SUZ12: variants seen among roughly 807,000 people sequenced by gnomAD.
SUZ12 encodes SUZ12 polycomb repressive complex 2 subunit, also known as polycomb protein SUZ12.
SUZ12 carries 17 observed loss-of-function variants against 87.3 expected under a neutral mutation model. That is an observed-to-expected ratio of 0.19 (90% CI 0.13 to 0.29). The LOEUF (loss-of-function observed/expected upper bound fraction) is 0.29, where lower values mean the gene tolerates loss of function less well. Ranked by LOEUF, SUZ12 falls within the 10% of genes least tolerant of loss-of-function variation. The probability of loss-of-function intolerance (pLI) is 1.00; values close to 1 mark genes in which losing one functional copy is unlikely to be tolerated. For missense variants in SUZ12, 526 were observed against 912.2 expected (o/e 0.58, Z 5.45); for synonymous variants, 253 against 312.4 (o/e 0.81, Z 2.01).
chr17:31,945,950 C>G (rs1255625398), intron 3 of SUZ12, among the ~76,000 whole-genome samples: 2 of 152,012 alleles, frequency 1.3e-5, no homozygotes, highest in Admixed American at 6.6e-5. Context: ...TAAAAGAGTC[C>G]TTTATTTTTG....
At chr17:31,955,245 G>A (rs1446866804) in intron 4 of SUZ12, among the ~76,000 whole-genome samples, 3 of 152,034 alleles carry the variant, frequency 2.0e-5, no homozygotes, top group Admixed American at 6.6e-5. Flanking sequence ...TGGGACTACA[G>A]GCACATGCTA....
intron 9 of SUZ12, among the ~76,000 whole-genome samples, chr17:31,985,405 A>G (rs1028900472): frequency 1.3e-5 from 2 of 151,602 alleles, no homozygotes; most frequent in Non-Finnish European, 2.9e-5. Flanking sequence ...CAAGATTTCC[A>G]TATTAAATTT....
intron 8 of SUZ12, among the ~76,000 whole-genome samples, chr17:31,980,675 C>T (rs1485891372): frequency 2.0e-5 from 3 of 151,596 alleles, no homozygotes; most frequent in East Asian, 1.9e-4. Flanking sequence ...CTTGAACTCC[C>T]GACCTCAGGT....
Position 31,997,684 on chromosome 17 carries a change from AAAAG to A in SUZ12, c.1874+808_1874+811del, listed in dbSNP as rs1333297207. Among the ~76,000 whole-genome samples the A allele has an allele frequency of 4.6e-5, 7 of 151,456 alleles. No individual in the cohort carries two copies. The South Asian group carries it at 1.5e-3, about 32-fold the overall frequency. On this transcript the variant is annotated intron_variant, in intron 15 of 15. Coordinates refer to ENST00000322652, the MANE Select transcript of SUZ12 (RefSeq NM_015355.4). ...CTATCTCCAAAAAAAAAAAAAAAAA[AAAAG>A]GCCACCTTGGTGGGACCCACGACCA...
chr17:31,954,828 A>G (rs555785534), intron 4 of SUZ12, among the ~76,000 whole-genome samples: 73 of 152,324 alleles, frequency 4.8e-4, no homozygotes, highest in African/African-American at 1.7e-3. Context: ...AATATTACAT[A>G]TAAAGCATTT....
chr17:31,963,266 T>G (rs1363680129), intron 4 of SUZ12, among the ~76,000 whole-genome samples: 1 of 152,176 alleles, frequency 6.6e-6, no homozygotes, highest in Non-Finnish European at 1.5e-5. Context: ...TGCCTCAGCC[T>G]CCTGAGTAGC....
chr17:31,994,597 A>G lies in SUZ12; in HGVS notation c.1471A>G (p.Ile491Val), dbSNP rs1195143657. 4 of 1,613,536 alleles carry G rather than the reference A, an allele frequency of 2.5e-6. No individual in the cohort carries two copies. Among genetic ancestry groups the G allele is most frequent in the Admixed American group, 1.7e-5 (1 of 59,948 alleles). Residue 491 changes from isoleucine (I) to valine (V), a missense_variant, in exon 13 of 16, where the codon ATC becomes GTC. Physicochemically the swap from Ile to Val is conservative, Grantham distance 29. Around this residue, in one of 9 missense-constraint regions of SUZ12, gnomAD observed 143 missense variants for 321.6 expected, o/e 0.44. Transcript: ENST00000322652. ...HPKGARIDVS[I>V]NECYDGSYAG... ...AAAAGGTGCTAGGATAGATGTTTCT[A>G]TCAATGAGTGTTATGATGGCTCCTA...
At chr17:31,950,716 C>G (rs1906916332) in intron 4 of SUZ12, among the ~76,000 whole-genome samples, 1 of 151,986 alleles carries the variant, frequency 6.6e-6, no homozygotes, top group East Asian at 1.9e-4. Flanking sequence ...CTTTGTTGTT[C>G]CATAACATTA....
chr17:31,952,995 A>C (rs1276036172), intron 4 of SUZ12, among the ~76,000 whole-genome samples: 2 of 152,128 alleles, frequency 1.3e-5, no homozygotes, highest in East Asian at 1.9e-4. Flanking sequence ...GCAAAATGTC[A>C]CTTCTCTCTT....
chr17:31,970,270 C>G (rs553700634), intron 5 of SUZ12, among the ~76,000 whole-genome samples: 2 of 152,096 alleles, frequency 1.3e-5, no homozygotes, highest in African/African-American at 2.4e-5. Flanking sequence ...GATGCAACTT[C>G]CGAAGAAACT....
At chr17:31,946,274 C>T (rs9905850) in intron 3 of SUZ12, among the ~76,000 whole-genome samples, 7,440 of 152,188 alleles carry the variant, frequency 0.049, 583 homozygotes, top group African/African-American at 0.17. Context: ...TGGCTCACAC[C>T]TTTAATCCTA....
intron 4 of SUZ12, among the ~76,000 whole-genome samples, chr17:31,954,321 A>G (rs1383244002): frequency 6.6e-6 from 1 of 152,168 alleles, no homozygotes. Context: ...TCGGCCTCCC[A>G]AAGCGCTGGG....
intron 8 of SUZ12, among the ~76,000 whole-genome samples, chr17:31,977,389 C>G (rs910813668): frequency 8.6e-5 from 13 of 151,902 alleles, no homozygotes; most frequent in Non-Finnish European, 1.6e-4. Flanking sequence ...GAGCAAGTCT[C>G]CTGCTTCAGC....
Position 31,937,504 on chromosome 17 carries a change from C to T in SUZ12, c.258C>T (p.Phe86=), listed in dbSNP as rs762732463. 76 of 1,540,632 alleles carry T rather than the reference C, an allele frequency of 4.9e-5. No homozygotes were observed. Among genetic ancestry groups the T allele is most frequent in the South Asian group, 2.6e-4 (22 of 83,860 alleles). ...ACGTCCAGGCTGACCACGAGCTTTT[C>T]CTCCAGGCCTTTGAGAGTGAGTGTG... is the stretch of plus-strand genomic sequence containing the variant. ...MEHVQADHEL[F]LQAFEKPTQI... The change falls in exon 1 of 16, where the codon TTC becomes TTT. Residue 86 remains phenylalanine, a synonymous_variant. Transcript: ENST00000322652.
chr17:31,953,530 C>A (rs966986661), intron 4 of SUZ12, among the ~76,000 whole-genome samples: 1 of 152,096 alleles, frequency 6.6e-6, no homozygotes, highest in African/African-American at 2.4e-5. Flanking sequence ...GCCTCAGCCT[C>A]CTGAGTAGCT....
At chr17:31,975,809 G>C in intron 7 of SUZ12, 96 bp downstream of exon 7, 2 of 993,322 alleles carry the variant, frequency 2.0e-6, no homozygotes, top group Middle Eastern at 4.8e-4. Flanking sequence ...ATGGTGCTGA[G>C]TCTTAAAGCA....
intron 9 of SUZ12, among the ~76,000 whole-genome samples, chr17:31,986,001 T>C (rs2142199886): frequency 1.3e-5 from 2 of 151,686 alleles, no homozygotes; most frequent in South Asian, 4.2e-4. Context: ...GGAGTCTCGC[T>C]CTGTCACCCA....
chr17:31,956,722 ATTTAT>A (rs1907361928), intron 4 of SUZ12, among the ~76,000 whole-genome samples: 1 of 151,754 alleles, frequency 6.6e-6, no homozygotes, highest in Non-Finnish European at 1.5e-5. Flanking sequence ...TTCTTAAATT[ATTTAT>A]TTTATTTTCT....
At chr17:31,983,598 T>A (rs950635915) in intron 9 of SUZ12, among the ~76,000 whole-genome samples, 1 of 152,162 alleles carries the variant, frequency 6.6e-6, no homozygotes, top group African/African-American at 2.4e-5. Flanking sequence ...GGCATCATAC[T>A]TTGAGAGCCA....
Sources: gnomAD v4.1 joint callset for allele counts (sites outside exome capture counted in the v4.1 genomes callset) on GRCh38, gnomAD v4.1.1 for gene constraint, gnomAD v4.1.1 regional missense constraint, MANE v1.5 for transcripts, NCBI Gene and HGNC (gene_info 2026-07-23, HGNC 2026-07-21) for gene names.